Variants in SYNRG observed in about 807,000 individuals in gnomAD.
SYNRG encodes AP1 gamma subunit binding protein 1.
In SYNRG, 37 loss-of-function variants were observed where a neutral mutation model predicts 130.9. That is an observed-to-expected ratio of 0.28 (90% CI 0.22 to 0.37). SYNRG has a LOEUF of 0.37. SYNRG is among the 10% of genes least tolerant of loss of function. The probability of loss-of-function intolerance (pLI) is 1.00; values close to 1 mark genes in which losing one functional copy is unlikely to be tolerated. For missense variants in SYNRG, 1,338 were observed against 1,588.9 expected (o/e 0.84, Z 2.68); for synonymous variants, 539 against 568.1 (o/e 0.95, Z 0.73).
intron 3 of SYNRG, among the ~76,000 whole-genome samples, chr17:37,592,828 T>C (rs894540872): frequency 9.2e-5 from 14 of 152,150 alleles, no homozygotes; most frequent in Middle Eastern, 3.2e-3. Context: ...GAGATGGAAA[T>C]GTTCTGTATC....
intron 2 of SYNRG, 38 bp downstream of exon 2, chr17:37,600,325 G>A (rs761146513): frequency 3.9e-6 from 6 of 1,536,040 alleles, no homozygotes; most frequent in Non-Finnish European, 5.2e-6. Flanking sequence ...AAACACAAGA[G>A]TGAAAAATAA....
chr17:37,515,255 T>C lies in SYNRG; in HGVS notation c.*3685A>G, dbSNP rs2054336139. On this transcript the variant is annotated 3_prime_UTR_variant, in exon 22 of 22. Transcript: ENST00000612223. ...GCAAGGGGAGGGCTTTTCAGTATTGTTATTTGGTACACACTTACCTGAAGA... is the reference window on the plus strand; with the variant it reads ...GCAAGGGGAGGGCTTTTCAGTATTGCTATTTGGTACACACTTACCTGAAGA... The C allele has an allele frequency of 6.6e-6, 1 of 152,194 alleles. No individual in the cohort carries two copies. The highest frequency in any genetic ancestry group is 1.5e-5 in the Non-Finnish European group (1 of 68,036). The allele number at this position is 152,194 out of a possible 1,614,324, so 9.4% of individuals were successfully genotyped here.
chr17:37,609,201 A>G lies in SYNRG; in HGVS notation c.77+78T>C, dbSNP rs960506131. ...CCAAGGAAAAGGATCAGGGCTGGAGAAAACTGCCATAACTGCCAAGCGCCC... is the reference window on the plus strand; with the variant it reads ...CCAAGGAAAAGGATCAGGGCTGGAGGAAACTGCCATAACTGCCAAGCGCCC... On this transcript the variant is annotated intron_variant, in intron 1 of 21. Coordinates refer to ENST00000612223, the MANE Select transcript of SYNRG (RefSeq NM_007247.6). 3.7e-6 allele frequency: 5 copies of G among 1,341,532 alleles called. No homozygotes were observed. The African/African-American group carries it at 6.2e-5, about 17-fold the overall frequency. 83.1% of individuals were successfully genotyped at this position (1,341,532 alleles called of 1,614,324 possible). A position where few individuals can be genotyped will look rare whatever the true frequency, so the allele number is the denominator to read the frequency against.
At chr17:37,565,133 G>A (rs554216941) in intron 11 of SYNRG, among the ~76,000 whole-genome samples, 28 of 152,174 alleles carry the variant, frequency 1.8e-4, no homozygotes, top group African/African-American at 5.8e-4. Flanking sequence ...GTGTAGTGGC[G>A]CGTGCCTGTA....
chr17:37,552,685 C>T (rs1210341047), intron 14 of SYNRG, among the ~76,000 whole-genome samples: 1 of 152,056 alleles, frequency 6.6e-6, no homozygotes, highest in Non-Finnish European at 1.5e-5. Context: ...TTCTGTAAAT[C>T]AAACAGAATA....
chr17:37,597,589 T>C (rs774366913), intron 2 of SYNRG, among the ~76,000 whole-genome samples: 11 of 152,246 alleles, frequency 7.2e-5, no homozygotes, highest in Non-Finnish European at 1.6e-4. Flanking sequence ...TTTTCTTACA[T>C]GAATAGGTAA....
chr17:37,523,046 T>C (rs1159819264), intron 19 of SYNRG, among the ~76,000 whole-genome samples: 1 of 152,218 alleles, frequency 6.6e-6, no homozygotes, highest in African/African-American at 2.4e-5. Context: ...TGCCCTGTGA[T>C]AGACATAAAT....
intron 3 of SYNRG, among the ~76,000 whole-genome samples, chr17:37,590,975 G>A (rs1218053686): frequency 6.6e-6 from 1 of 152,106 alleles, no homozygotes; most frequent in East Asian, 1.9e-4. Flanking sequence ...TCTGAGGAAG[G>A]AGAGGAAGGA....
chr17:37,608,986 G>GCCC (rs149268463), intron 1 of SYNRG, among the ~76,000 whole-genome samples: 2 of 107,008 alleles, frequency 1.9e-5, no homozygotes, highest in South Asian at 3.2e-4. Flanking sequence ...GATTTGCCCC[G>GCCC]CCCCCCCCCA....
chr17:37,566,208 GA>G (rs1215475492), intron 11 of SYNRG, among the ~76,000 whole-genome samples: 1 of 152,180 alleles, frequency 6.6e-6, no homozygotes, highest in Non-Finnish European at 1.5e-5. Flanking sequence ...GAAAGGTGGG[GA>G]AAAGATTGAG....
intron 14 of SYNRG, among the ~76,000 whole-genome samples, chr17:37,542,891 T>G (rs2057903297): frequency 6.6e-6 from 1 of 152,198 alleles, no homozygotes; most frequent in African/African-American, 2.4e-5. Context: ...AATTGTTCCC[T>G]TATCAACTTA....
rs2054409198 is a variant in SYNRG, at chr17:37,516,157, G to A, written c.*2783C>T. 6.6e-6 allele frequency: 1 copy of A among 152,136 alleles called. No individual in the cohort carries two copies. The highest frequency in any genetic ancestry group is 2.4e-5 in the African/African-American group (1 of 41,436). The allele number at this position is 152,136 out of a possible 1,614,324, so 9.4% of individuals were successfully genotyped here. On this transcript the variant is annotated 3_prime_UTR_variant, in exon 22 of 22. Coordinates refer to ENST00000612223, the MANE Select transcript of SYNRG (RefSeq NM_007247.6). The stretch of plus-strand genomic sequence containing the variant: ...GCCATTCAAGCAGTGGGGTGAAGCG[G>A]GCTGACACAATGCACAGTATGGAAA...
chr17:37,571,002 CA>C, intron 9 of SYNRG, 117 bp from the exon 10 acceptor site: 5 of 1,312,658 alleles, frequency 3.8e-6, no homozygotes, highest in Non-Finnish European at 5.2e-6. Flanking sequence ...CTCCAACTCT[CA>C]AAACTCATGA....
At chr17:37,545,256 C>T (rs1258837599) in intron 14 of SYNRG, among the ~76,000 whole-genome samples, 2 of 151,544 alleles carry the variant, frequency 1.3e-5, no homozygotes, top group African/African-American at 4.9e-5. Flanking sequence ...ATTAGCTGGG[C>T]GTGGTGGCAC....
At chr17:37,521,136 G>A (rs1429377096) in intron 19 of SYNRG, among the ~76,000 whole-genome samples, 2 of 151,208 alleles carry the variant, frequency 1.3e-5, no homozygotes, top group Admixed American at 6.6e-5. Context: ...GGGTTCAAGC[G>A]ATTCTCCTGC....
chr17:37,591,412 T>C (rs2146690046), intron 3 of SYNRG, among the ~76,000 whole-genome samples: 1 of 152,246 alleles, frequency 6.6e-6, no homozygotes, highest in Admixed American at 6.5e-5. Flanking sequence ...CATACAGAGG[T>C]TTAACACAAT....
At chr17:37,566,572 A>G (rs1181770524) in intron 11 of SYNRG, among the ~76,000 whole-genome samples, 4 of 149,712 alleles carry the variant, frequency 2.7e-5, no homozygotes, top group Admixed American at 6.7e-5. Context: ...CCTTCCCTCC[A>G]CTATTGTCCC....
intron 2 of SYNRG, among the ~76,000 whole-genome samples, chr17:37,597,858 C>T (rs577124283): frequency 1.3e-5 from 2 of 152,340 alleles, no homozygotes; most frequent in Non-Finnish European, 2.9e-5. Flanking sequence ...ATTCAAACTA[C>T]ATCTATGTTG....
At chr17:37,533,498 A>G (rs778975993) in intron 19 of SYNRG, among the ~76,000 whole-genome samples, 72 of 152,026 alleles carry the variant, frequency 4.7e-4, no homozygotes, top group Non-Finnish European at 7.8e-4. Context: ...CTATGAGGTC[A>G]GAAGTTCAAA....
Sources: gnomAD v4.1 joint callset for allele counts (sites outside exome capture counted in the v4.1 genomes callset) on GRCh38, gnomAD v4.1.1 for gene constraint, MANE v1.5 for transcripts, NCBI Gene and HGNC (gene_info 2026-07-23, HGNC 2026-07-21) for gene names.